ZBTB20: variants seen among roughly 807,000 people sequenced by gnomAD.
ZBTB20 encodes zinc finger and BTB domain-containing protein 20.
Under a neutral mutation model 56.9 loss-of-function variants are expected in ZBTB20, and 9 were observed. The observed-to-expected ratio is 0.16, with a 90% CI of 0.10 to 0.28. ZBTB20 has a LOEUF of 0.28. Among genes scored for constraint, ZBTB20 ranks in the 10% least tolerant of loss-of-function variants. ZBTB20 has a pLI of 1.00. For missense variants in ZBTB20, 655 were observed against 1,003.0 expected (o/e 0.65, Z 4.69); for synonymous variants, 417 against 420.7 (o/e 0.99, Z 0.11).
intron 10 of ZBTB20, chr3:114,357,131 G>C (rs1181722168): frequency 2.0e-5 from 3 of 152,104 alleles, no homozygotes; most frequent in Non-Finnish European, 4.4e-5. Context: ...GGGTGTTTTG[G>C]GCCATCTCCC....
chr3:114,840,548 A>G (rs556256667), intron 4 of ZBTB20, among the ~76,000 whole-genome samples: 1 of 152,334 alleles, frequency 6.6e-6, no homozygotes, highest in African/African-American at 2.4e-5. Context: ...GAAATAATGA[A>G]AAAGCCAGAG....
chr3:114,444,880 A>G (rs2091171292), intron 7 of ZBTB20, among the ~76,000 whole-genome samples: 1 of 152,086 alleles, frequency 6.6e-6, no homozygotes, highest in African/African-American at 2.4e-5. Context: ...TTTCTCGTAA[A>G]TTTTGTTTTC....
At chr3:115,111,792 T>C (rs1282544319) in intron 1 of ZBTB20, among the ~76,000 whole-genome samples, 2 of 152,314 alleles carry the variant, frequency 1.3e-5, no homozygotes, top group South Asian at 2.1e-4. Flanking sequence ...AAAATATTTA[T>C]AGCTCATAAG....
chr3:114,504,370 TAC>T (rs1381396931), intron 6 of ZBTB20, among the ~76,000 whole-genome samples: 1 of 152,084 alleles, frequency 6.6e-6, no homozygotes, highest in Admixed American at 6.6e-5. Context: ...GATATGAGTA[TAC>T]CCAGGAATGT....
intron 7 of ZBTB20, among the ~76,000 whole-genome samples, chr3:114,457,439 T>C (rs891120592): frequency 1.3e-5 from 2 of 152,124 alleles, no homozygotes; most frequent in Non-Finnish European, 2.9e-5. Context: ...GTTCAAGACA[T>C]GAAAGCATAT....
chr3:114,891,795 CT>C (rs2076819416), intron 4 of ZBTB20, among the ~76,000 whole-genome samples: 3 of 152,108 alleles, frequency 2.0e-5, no homozygotes. Context: ...GCCTGTAATC[CT>C]AGCACTTTGG....
chr3:114,608,302 T>C (rs1469184889), intron 6 of ZBTB20, among the ~76,000 whole-genome samples: 1 of 152,198 alleles, frequency 6.6e-6, no homozygotes. Flanking sequence ...CTAAGAAATC[T>C]TTTAGAACAA....
chr3:115,103,146 T>C (rs1391942168), intron 1 of ZBTB20: 3 of 152,170 alleles, frequency 2.0e-5, no homozygotes, highest in African/African-American at 7.2e-5. Flanking sequence ...GAAGAAATCA[T>C]TGTAATTGAC....
intron 7 of ZBTB20, among the ~76,000 whole-genome samples, chr3:114,442,519 C>T (rs1170927506): frequency 6.6e-6 from 1 of 152,150 alleles, no homozygotes; most frequent in Non-Finnish European, 1.5e-5. Flanking sequence ...ACTTTCTTCT[C>T]TTGATGCCAA....
intron 3 of ZBTB20, among the ~76,000 whole-genome samples, chr3:114,965,348 G>C (rs2077607542): frequency 6.6e-6 from 1 of 152,048 alleles, no homozygotes; most frequent in Non-Finnish European, 1.5e-5. Flanking sequence ...TTTAAGTATA[G>C]AGTATATTTT....
At chr3:114,828,595 T>C (rs1165155286) in intron 4 of ZBTB20, among the ~76,000 whole-genome samples, 14 of 151,882 alleles carry the variant, frequency 9.2e-5, no homozygotes, top group South Asian at 2.1e-4. Flanking sequence ...TATCAATGCA[T>C]AGTGATTTTC....
At chr3:114,518,624 T>G (rs2046297704) in intron 6 of ZBTB20, 1 of 152,196 alleles carries the variant, frequency 6.6e-6, no homozygotes, top group African/African-American at 2.4e-5. Context: ...ATCATGACTC[T>G]TCACAGTGGT....
intron 4 of ZBTB20, among the ~76,000 whole-genome samples, chr3:114,895,730 T>C (rs9853050): frequency 7.2e-5 from 11 of 152,248 alleles, no homozygotes; most frequent in African/African-American, 2.6e-4. Flanking sequence ...GAGACTACTA[T>C]GCAATAATAC....
chr3:114,680,642 T>C (rs1021806820), intron 6 of ZBTB20, among the ~76,000 whole-genome samples: 2 of 152,216 alleles, frequency 1.3e-5, no homozygotes, highest in Admixed American at 6.5e-5. Context: ...TGTACGCTCA[T>C]TGAATAAATT....
At chr3:114,749,623 T>G (rs571617824) in intron 5 of ZBTB20, among the ~76,000 whole-genome samples, 60 of 135,516 alleles carry the variant, frequency 4.4e-4, no homozygotes, top group African/African-American at 1.8e-3. Context: ...AAGGAAGGAA[T>G]AAATTGGCTA....
intron 6 of ZBTB20, among the ~76,000 whole-genome samples, chr3:114,632,987 A>T (rs1016413827): frequency 3.3e-5 from 5 of 152,206 alleles, no homozygotes; most frequent in Non-Finnish European, 7.4e-5. Flanking sequence ...AAATTTTTTG[A>T]CTAAGGAAAC....
chr3:114,907,516 A>G (rs968665369), intron 3 of ZBTB20, among the ~76,000 whole-genome samples: 1 of 151,874 alleles, frequency 6.6e-6, no homozygotes, highest in African/African-American at 2.4e-5. Flanking sequence ...CATACTTCTC[A>G]GGGAATATCT....
intron 6 of ZBTB20, among the ~76,000 whole-genome samples, chr3:114,675,390 A>C (rs1414805051): frequency 1.3e-5 from 2 of 152,034 alleles, no homozygotes; most frequent in Non-Finnish European, 2.9e-5. Context: ...GCACATTACC[A>C]TTCCGTTTGT....
chr3:114,687,921 G>T (rs2062444328), intron 6 of ZBTB20: 1 of 152,058 alleles, frequency 6.6e-6, no homozygotes, highest in South Asian at 2.1e-4. Context: ...ATCAAAAGAT[G>T]TGACGAGAAA....
Sources: gnomAD v4.1 joint callset for allele counts (sites outside exome capture counted in the v4.1 genomes callset) on GRCh38, gnomAD v4.1.1 for gene constraint, MANE v1.5 for transcripts, NCBI Gene and HGNC (gene_info 2026-07-23, HGNC 2026-07-21) for gene names.